The following FAM209B variants were observed in gnomAD, a reference collection of about 807,000 sequenced individuals.
The protein encoded by FAM209B is protein FAM209B.
In FAM209B, 8 loss-of-function variants were observed where a neutral mutation model predicts 8.9. The ratio of observed to expected loss-of-function variants is 0.90; its 90% confidence interval spans 0.53 to 1.62. The LOEUF is 1.62. Among genes scored for constraint, FAM209B ranks in the 40% most tolerant of loss-of-function variants. The probability of loss-of-function intolerance (pLI) is 0.00; values close to 1 mark genes in which losing one functional copy is unlikely to be tolerated. For missense variants in FAM209B, 175 were observed against 205.3 expected (o/e 0.85, Z 0.90); for synonymous variants, 67 against 75.0 (o/e 0.89, Z 0.55).
chr20:56,535,053 A>AG (rs1237330200), intron 1 of FAM209B, among the ~76,000 whole-genome samples: 2 of 150,550 alleles, frequency 1.3e-5, no homozygotes, highest in African/African-American at 4.9e-5. Context: ...CTGTCTCAAA[A>AG]AAAAAAAAAA....
At chr20:56,534,147 G>A (rs1053049703) in intron 1 of FAM209B, among the ~76,000 whole-genome samples, 1 of 152,200 alleles carries the variant, frequency 6.6e-6, no homozygotes, top group Non-Finnish European at 1.5e-5. Flanking sequence ...CTGAGACTCT[G>A]TCTCAAAATA....
intron 1 of FAM209B, 103 bp from the exon 2 acceptor site, chr20:56,536,069 A>G: frequency 9.9e-7 from 1 of 1,014,922 alleles, no homozygotes. Context: ...GCACTCGAGC[A>G]CTGCTAGAAC....
intron 1 of FAM209B, among the ~76,000 whole-genome samples, chr20:56,534,483 G>T (rs1028574069): frequency 1.3e-5 from 2 of 151,866 alleles, no homozygotes; most frequent in African/African-American, 4.8e-5. Flanking sequence ...AGGCGCGGTG[G>T]CTCACCCCTG....
chr20:56,533,485 A>G lies in FAM209B; in HGVS notation c.144A>G (p.Leu48=), dbSNP rs753383237. The G allele has an allele frequency of 8.1e-6, 13 of 1,614,138 alleles. No individual in the cohort carries two copies. Among genetic ancestry groups the G allele is most frequent in the Non-Finnish European group, 1.1e-5 (13 of 1,180,024 alleles). Residue 48 remains leucine (L), a synonymous_variant, in exon 1 of 2, where the codon CTA becomes CTG. Transcript: ENST00000371325. The part of the protein sequence containing the change: ...CGEHFRIRQN[L]PEHTQGWLGS... ...AGCACTTTCGGATTCGGCAGAACCT[A>G]CCAGAGCACACCCAAGGCTGGCTTG... is the stretch of plus-strand genomic sequence containing the variant.
chr20:56,536,149 A>G (rs1324589647), intron 1 of FAM209B, 23 bp from the exon 2 acceptor site: 1 of 1,509,038 alleles, frequency 6.6e-7, no homozygotes, highest in East Asian at 2.3e-5. Context: ...GATATTATTG[A>G]CCTTGAATAT....
In FAM209B at chr20:56,533,386, C is replaced by T; in HGVS notation, c.45C>T (p.Thr15=). 6.2e-7 allele frequency: 1 copy of T among 1,614,148 alleles called. No individual in the cohort carries two copies. The highest frequency in any genetic ancestry group is 8.5e-7 in the Non-Finnish European group (1 of 1,180,006). The part of the protein sequence containing the change: ...KSSLVLLLCL[T]CSYAFMFSSL... ...CCCTGGTCCTGCTTCTGTGCCTCACCTGCAGCTATGCCTTTATGTTCTCTT... is the reference window on the plus strand; with the variant it reads ...CCCTGGTCCTGCTTCTGTGCCTCACTTGCAGCTATGCCTTTATGTTCTCTT... Residue 15 remains threonine (T), a synonymous_variant, in exon 1 of 2, where the codon ACC becomes ACT. Transcript: ENST00000371325.
intron 1 of FAM209B, among the ~76,000 whole-genome samples, chr20:56,534,161 A>T (rs1486269924): frequency 1.3e-5 from 2 of 152,096 alleles, no homozygotes; most frequent in African/African-American, 2.4e-5. Context: ...CAAAATAAAG[A>T]ACTTATGGTG....
At chr20:56,535,800 A>G (rs918853598) in intron 1 of FAM209B, among the ~76,000 whole-genome samples, 1 of 152,206 alleles carries the variant, frequency 6.6e-6, no homozygotes, top group Non-Finnish European at 1.5e-5. Context: ...ATTCTCCCCT[A>G]GAAAGACCCA....
In FAM209B at chr20:56,536,349, A is replaced by T; in HGVS notation, c.427A>T (p.Ser143Cys). 1 of 1,614,198 alleles carries T rather than the reference A, an allele frequency of 6.2e-7. No individual in the cohort carries two copies. Among genetic ancestry groups the T allele is most frequent in the Non-Finnish European group, 8.5e-7 (1 of 1,180,014 alleles). The change falls in exon 2 of 2, where the codon AGT (serine) becomes TGT (cysteine). Residue 143 changes from serine to cysteine, a missense_variant. Physicochemically the swap from Ser to Cys is moderately radical, Grantham distance 112. This residue lies in a region of FAM209B where 166 missense variants were observed against 174.5 expected (regional missense o/e 0.95). Transcript: ENST00000371325. ...LKGAMATGSG[S>C]NLKLRRSEMP... The stretch of plus-strand genomic sequence containing the variant: ...AGGTGCCATGGCAACAGGCAGTGGC[A>T]GTAACCTCAAGCTTCGAAGGTCAGA...
At position 56,533,779 on chromosome 20, in the gene FAM209B, A is replaced by T. The variant is rs189463844; in HGVS notation, c.249+189A>T. On this transcript the variant is annotated intron_variant, in intron 1 of 1. Transcript: ENST00000371325. ...GACAATAGTCCCCACATCCACAGAT[A>T]TTGGGACAAACAGTGGAAGATGACC... 3.2e-3 allele frequency among the ~76,000 whole-genome samples: 482 copies of T among 152,316 alleles called. 1 individual carries two copies. Among genetic ancestry groups the T allele is most frequent in the African/African-American group, 0.011 (461 of 41,578 alleles).
chr20:56,536,094 T>G, intron 1 of FAM209B, 78 bp from the exon 2 acceptor site: 55 of 1,280,424 alleles, frequency 4.3e-5, no homozygotes, highest in Non-Finnish European at 5.0e-5. Flanking sequence ...TTTTCTTAAA[T>G]GAGCCCAACT....
chr20:56,534,918 G>A (rs952974615), intron 1 of FAM209B, among the ~76,000 whole-genome samples: 8 of 151,418 alleles, frequency 5.3e-5, no homozygotes, highest in Admixed American at 6.6e-5. Flanking sequence ...GCGTAGTGGC[G>A]CATGCCTGTA....
chr20:56,533,506 G>C lies in FAM209B; in HGVS notation c.165G>C (p.Trp55Cys), dbSNP rs1985850544. The C allele has an allele frequency of 8.7e-6, 14 of 1,614,214 alleles. No homozygotes were observed. The highest frequency in any genetic ancestry group is 1.1e-5 in the Non-Finnish European group (13 of 1,180,038). The change falls in exon 1 of 2, where the codon TGG becomes TGC. Residue 55 changes from tryptophan to cysteine, a missense_variant. Coordinates refer to ENST00000371325, the MANE Select transcript of FAM209B (RefSeq NM_001013646.4). ...ACCTACCAGAGCACACCCAAGGCTG[G>C]CTTGGGAGCAAATGGCTCTGGCTTT... ...RQNLPEHTQG[W>C]LGSKWLWLLF...
At position 56,536,233 on chromosome 20, in the gene FAM209B, ATGCTT is replaced by A; in HGVS notation, c.312_316del (p.Ala105SerfsTer14). ...CGCACTCCACTAAAGAAAAATCAAA[ATGCTT>A]CTCTTTACAAAGACTGTGTATTCAA... On this transcript the variant is annotated frameshift_variant, in exon 2 of 2. Transcript: ENST00000371325. LOFTEE classifies it low-confidence loss of function (END_TRUNC). 1.3e-6 allele frequency: 2 copies of A among 1,596,034 alleles called. No homozygotes were observed. The highest frequency in any genetic ancestry group is 2.3e-5 in the South Asian group (2 of 88,562).
In FAM209B at chr20:56,533,359, G is replaced by A. The variant is rs148487050; in HGVS notation, c.18G>A (p.Ser6=). 10,055 of 1,614,028 alleles carry A rather than the reference G, an allele frequency of 6.2e-3. 48 individuals carry two copies. The highest frequency in any genetic ancestry group is 8.0e-3 in the Non-Finnish European group (9,483 of 1,179,922). Residue 6 remains serine, a synonymous_variant, in exon 1 of 2, where the codon TCG becomes TCA. Coordinates refer to ENST00000371325, the MANE Select transcript of FAM209B (RefSeq NM_001013646.4). MWTLK[S]SLVLLLCLTC... ...TGCTCACCATGTGGACGCTGAAATC[G>A]TCCCTGGTCCTGCTTCTGTGCCTCA...
intron 1 of FAM209B, among the ~76,000 whole-genome samples, chr20:56,535,530 G>A (rs1568724416): frequency 1.3e-5 from 2 of 152,152 alleles, no homozygotes. Flanking sequence ...GGCAGAGGTT[G>A]CAGTGAACCG....
chr20:56,535,700 AAG>A lies in FAM209B; in HGVS notation c.250-468_250-467del, dbSNP rs1985951344. On this transcript the variant is annotated intron_variant, in intron 1 of 1. Transcript: ENST00000371325. ...GTGTCTCAAAAAAACAAACAAAAAA[AAG>A]AGATGAAGGTGTAAAGTAGTAACAG... is the stretch of plus-strand genomic sequence containing the variant. Among the ~76,000 whole-genome samples, 3 of 152,324 alleles carry A rather than the reference AAG, an allele frequency of 2.0e-5. No homozygotes were observed. In the South Asian group the frequency reaches 6.2e-4, roughly 32 times the overall value.
At position 56,536,209 on chromosome 20, in the gene FAM209B, G is replaced by A. The variant is rs374650237; in HGVS notation, c.287G>A (p.Arg96His). 52 of 1,572,574 alleles carry A rather than the reference G, an allele frequency of 3.3e-5. No homozygotes were observed. The highest frequency in any genetic ancestry group is 1.7e-4 in the Middle Eastern group (1 of 5,866). The change falls in exon 2 of 2, where the codon CGC becomes CAC. Residue 96 changes from arginine to histidine, a missense_variant. Around this residue, in one of 2 missense-constraint regions of FAM209B, gnomAD observed 166 missense variants for 174.5 expected, o/e 0.95. Transcript: ENST00000371325. ...CCTGGCCTTCGAGGCTTCCCATTTCGCACTCCACTAAAGAAAAATCAAAAT... is the reference window on the plus strand; with the variant it reads ...CCTGGCCTTCGAGGCTTCCCATTTCACACTCCACTAAAGAAAAATCAAAAT... ...SPPGLRGFPF[R>H]TPLKKNQNAS...
chr20:56,533,656 G>A, intron 1 of FAM209B, 66 bp downstream of exon 1: 5 of 1,593,670 alleles, frequency 3.1e-6, no homozygotes, highest in Non-Finnish European at 4.3e-6. Context: ...GGAAACGGAT[G>A]TTCTAGTGAG....
Sources: allele counts gnomAD v4.1 joint callset (sites outside exome capture counted in the v4.1 genomes callset), GRCh38; gene constraint gnomAD v4.1.1; regional missense constraint gnomAD v4.1.1; transcripts MANE v1.5; gene names NCBI Gene and HGNC (gene_info 2026-07-23, HGNC 2026-07-21).